Variants in C2CD3 observed in about 807,000 individuals in gnomAD.
C2CD3 encodes the protein C2 domain-containing protein 3.
Under a neutral mutation model 234.0 loss-of-function variants are expected in C2CD3, and 148 were observed. That is an observed-to-expected ratio of 0.63 (90% CI 0.55 to 0.72). C2CD3 has a LOEUF of 0.72. C2CD3 is among the 30% of genes least tolerant of loss of function. C2CD3 has a pLI of 0.00. For synonymous variants in C2CD3, 1,000 were observed against 1,035.4 expected (o/e 0.97, Z 0.66); for missense variants, 2,577 against 2,811.5 (o/e 0.92, Z 1.89).
In C2CD3 at chr11:74,144,727, G is replaced by A. The variant is rs149820785; in HGVS notation, c.484-4899C>T. Reference sequence around the variant, plus strand: ...TGCTTGGTTTTCTGTTCCTGCGTTAGTTTGCTAGGGATAATGGCCTCCAGT... The same window carrying A: ...TGCTTGGTTTTCTGTTCCTGCGTTAATTTGCTAGGGATAATGGCCTCCAGT... On this transcript the variant is annotated intron_variant, in intron 3 of 32. Coordinates refer to ENST00000334126, the MANE Select transcript of C2CD3 (RefSeq NM_001286577.2). Among the ~76,000 whole-genome samples, 31 of 152,220 alleles carry A rather than the reference G, an allele frequency of 2.0e-4. 1 individual carries two copies. The East Asian group carries it at 5.6e-3, about 28-fold the overall frequency.
intron 31 of C2CD3, 48 bp from the exon 32 acceptor site, chr11:74,028,446 T>C: frequency 8.3e-7 from 1 of 1,205,198 alleles, no homozygotes; most frequent in Non-Finnish European, 1.2e-6. Context: ...CCACCCCTCT[T>C]GCAGTGGAGG....
chr11:74,099,314 A>C (rs978679518), intron 15 of C2CD3, among the ~76,000 whole-genome samples: 1 of 152,230 alleles, frequency 6.6e-6, no homozygotes, highest in African/African-American at 2.4e-5. Context: ...ATTGTTCCAC[A>C]AGAGAGATAG....
chr11:74,038,491 A>C (rs1283479628), intron 29 of C2CD3, among the ~76,000 whole-genome samples: 1 of 152,204 alleles, frequency 6.6e-6, no homozygotes, highest in African/African-American at 2.4e-5. Context: ...GTTTCAGAGA[A>C]GTTAAGTGAC....
chr11:74,145,815 A>T (rs1019396480), intron 3 of C2CD3, among the ~76,000 whole-genome samples: 1 of 152,188 alleles, frequency 6.6e-6, no homozygotes, highest in East Asian at 1.9e-4. Flanking sequence ...CCTTTCCCCC[A>T]AATTTTTCTT....
chr11:74,045,480 A>G (rs1160602453), intron 28 of C2CD3, among the ~76,000 whole-genome samples: 16 of 152,202 alleles, frequency 1.1e-4, no homozygotes, highest in Non-Finnish European at 2.2e-4. Flanking sequence ...ATCAACGTGG[A>G]GAATATTGCC....
chr11:74,105,442 T>C (rs140453794), intron 13 of C2CD3, among the ~76,000 whole-genome samples: 5,446 of 152,212 alleles, frequency 0.036, 146 homozygotes, highest in South Asian at 0.1. Context: ...GGCTAATTTT[T>C]GTATTTTTAG....
chr11:74,166,693 G>C (rs1333419023), intron 2 of C2CD3, among the ~76,000 whole-genome samples: 1 of 152,156 alleles, frequency 6.6e-6, no homozygotes, highest in Non-Finnish European at 1.5e-5. Context: ...ACTGTTTCAT[G>C]TATGTCAGTT....
intron 24 of C2CD3, among the ~76,000 whole-genome samples, chr11:74,073,084 G>T (rs1198524450): frequency 6.6e-6 from 1 of 152,180 alleles, no homozygotes; most frequent in Admixed American, 6.5e-5. Context: ...CTGAATAAAG[G>T]TAGGGCAGGA....
intron 3 of C2CD3, among the ~76,000 whole-genome samples, chr11:74,161,077 A>C (rs554608979): frequency 9.9e-5 from 15 of 152,230 alleles, no homozygotes; most frequent in Non-Finnish European, 2.2e-4. Context: ...CCTACTAATA[A>C]ACAATTTTGG....
In C2CD3 at chr11:74,033,895, T is replaced by C; in HGVS notation, c.6265A>G (p.Ser2089Gly). 1 of 1,536,228 alleles carries C rather than the reference T, an allele frequency of 6.5e-7. No individual in the cohort carries two copies. The change falls in exon 31 of 33, where the codon AGT (serine) becomes GGT (glycine). Residue 2089 changes from serine to glycine, a missense_variant. Transcript: ENST00000334126. ...ACCTCACTTGTGTCTGATATGACAC[T>C]AGACCAAGGGCTAGTTTTGTCTGTC... ...TVTDKTSPWS[S>G]VISDTSEVIS... is the part of the protein sequence containing the mutation.
At chr11:74,061,959 G>A (rs1360973141) in intron 24 of C2CD3, among the ~76,000 whole-genome samples, 1 of 151,868 alleles carries the variant, frequency 6.6e-6, no homozygotes, top group African/African-American at 2.4e-5. Context: ...CAAAAAAAAA[G>A]CAGGGGTTGC....
At chr11:74,123,168 T>G in intron 7 of C2CD3, 33 bp from the exon 8 acceptor site, 1 of 1,553,910 alleles carries the variant, frequency 6.4e-7, no homozygotes, top group Non-Finnish European at 8.8e-7. Flanking sequence ...CAGAAGAATT[T>G]TAATAGAAGT....
intron 16 of C2CD3, 100 bp from the exon 17 acceptor site, chr11:74,095,508 A>G: frequency 1.2e-6 from 1 of 864,500 alleles, no homozygotes; most frequent in Non-Finnish European, 1.8e-6. Flanking sequence ...AGAGATAAGT[A>G]TAATTAGTTG....
chr11:74,082,133 T>TC (rs1280596677), intron 22 of C2CD3, among the ~76,000 whole-genome samples: 1 of 151,444 alleles, frequency 6.6e-6, no homozygotes, highest in Non-Finnish European at 1.5e-5. Flanking sequence ...ATTTTTTTTT[T>TC]TTTTTTTGAG....
intron 17 of C2CD3, among the ~76,000 whole-genome samples, chr11:74,094,217 T>A (rs902622878): frequency 7.5e-5 from 11 of 145,818 alleles, no homozygotes; most frequent in African/African-American, 2.6e-4. Flanking sequence ...TTTTTTTTTT[T>A]AATTATAGCC....
At chr11:74,070,713 C>T (rs926951070) in intron 24 of C2CD3, 1 of 152,112 alleles carries the variant, frequency 6.6e-6, no homozygotes, top group Admixed American at 6.5e-5. Flanking sequence ...TTTCATCTCA[C>T]CTGCAGTGTC....
At position 74,084,800 on chromosome 11, in the gene C2CD3, T is replaced by C. The variant is rs1168721545; in HGVS notation, c.4000+81A>G. The C allele has an allele frequency of 8.3e-6, 7 of 840,604 alleles. 1 individual carries two copies. Among genetic ancestry groups the C allele is most frequent in the African/African-American group, 3.4e-5 (2 of 59,684 alleles). The allele number at this position is 840,604 out of a possible 1,614,324, so 52.1% of individuals were successfully genotyped here. A position where few individuals can be genotyped will look rare whatever the true frequency, so the allele number is the denominator to read the frequency against. On this transcript the variant is annotated intron_variant, in intron 22 of 32. Transcript: ENST00000334126. Reference sequence around the variant, plus strand: ...TGTGTTTTCTTTTGAATATCTTACATGAGAGACAGAGAAGATTACCTCTTG... The same window carrying C: ...TGTGTTTTCTTTTGAATATCTTACACGAGAGACAGAGAAGATTACCTCTTG...
intron 20 of C2CD3, among the ~76,000 whole-genome samples, chr11:74,090,612 A>G (rs1250729694): frequency 6.6e-6 from 1 of 152,248 alleles, no homozygotes; most frequent in Non-Finnish European, 1.5e-5. Flanking sequence ...GGCAAGGTCA[A>G]GGAGGTAAGT....
chr11:74,056,703 C>T (rs960289671), intron 25 of C2CD3, among the ~76,000 whole-genome samples: 14 of 152,172 alleles, frequency 9.2e-5, no homozygotes, highest in African/African-American at 3.4e-4. Context: ...GGATGAAAAT[C>T]CACAGCCTTT....
Sources: allele counts gnomAD v4.1 joint callset (sites outside exome capture counted in the v4.1 genomes callset), GRCh38; gene constraint gnomAD v4.1.1; transcripts MANE v1.5; gene names NCBI Gene and HGNC (gene_info 2026-07-23, HGNC 2026-07-21).